Variants in OSBPL5 observed in about 807,000 individuals in gnomAD.
OSBPL5 encodes the protein oxysterol-binding protein-related protein 5.
OSBPL5 carries 71 observed loss-of-function variants against 111.2 expected under a neutral mutation model. That is an observed-to-expected ratio of 0.64 (90% CI 0.53 to 0.78). The LOEUF is 0.78. OSBPL5 is among the 30% of genes least tolerant of loss of function. The pLI is 0.00. For synonymous variants in OSBPL5, 549 were observed against 513.9 expected (o/e 1.07, Z -0.93); for missense variants, 1,210 against 1,189.3 (o/e 1.02, Z -0.26).
chr11:3,145,670 C>T lies in OSBPL5; in HGVS notation c.-21-16501G>A, dbSNP rs1036286845. ...GCTTCCTGGAGGACATTCACAGACTCGCACCCTCAGACCCCAGACCAGCAG... is the reference window on the plus strand; with the variant it reads ...GCTTCCTGGAGGACATTCACAGACTTGCACCCTCAGACCCCAGACCAGCAG... On this transcript the variant is annotated intron_variant, in intron 1 of 21. Coordinates refer to ENST00000263650, the MANE Select transcript of OSBPL5 (RefSeq NM_020896.4). Among the ~76,000 whole-genome samples, 10 of 152,310 alleles carry T rather than the reference C, an allele frequency of 6.6e-5. 1 individual carries two copies. The highest frequency in any genetic ancestry group is 2.1e-4 in the South Asian group (1 of 4,830).
chr11:3,107,687 G>A lies in OSBPL5; in HGVS notation c.866+84C>T, dbSNP rs575971794. 4.9e-5 allele frequency: 76 copies of A among 1,539,910 alleles called. No homozygotes were observed. The South Asian group carries it at 7.6e-4, about 15-fold the overall frequency. On this transcript the variant is annotated intron_variant, in intron 8 of 21. Coordinates refer to ENST00000263650, the MANE Select transcript of OSBPL5 (RefSeq NM_020896.4). The surrounding 1 kb of genome is among the most constrained non-coding windows in gnomAD (Gnocchi z 6.1). ...CAGCCTGCAGCCCACCAGAGCAGTG[G>A]CTGGGGCTGTCCTCTCCCCTCTTCC...
At position 3,105,891 on chromosome 11, in the gene OSBPL5, C is replaced by G. The variant is rs1857674547; in HGVS notation, c.1059+1372G>C. Among the ~76,000 whole-genome samples, 1 of 152,188 alleles carries G rather than the reference C, an allele frequency of 6.6e-6. No individual in the cohort carries two copies. The highest frequency in any genetic ancestry group is 1.5e-5 in the Non-Finnish European group (1 of 68,036). On this transcript the variant is annotated intron_variant, in intron 9 of 21. Transcript: ENST00000263650. This position sits in a 1 kb window ranked among gnomAD's most constrained non-coding sequence, Gnocchi z 5.2. ...TACCCAATCCAACTTCCGAAATACC[C>G]TGAGTCTGCCCACTTCTCCCTTCTC... is the stretch of plus-strand genomic sequence containing the variant.
chr11:3,097,186 G>A (rs1218933817), intron 14 of OSBPL5, among the ~76,000 whole-genome samples: 1 of 150,006 alleles, frequency 6.7e-6, no homozygotes, highest in Non-Finnish European at 1.5e-5. Context: ...GGCATTTGTC[G>A]ATCTGAGATC....
chr11:3,098,483 A>C (rs1251874523), intron 14 of OSBPL5, among the ~76,000 whole-genome samples: 2 of 33,658 alleles, frequency 5.9e-5, no homozygotes, highest in Non-Finnish European at 1.3e-4. Context: ...AGCCATAAAA[A>C]GACATGAAGG....
At chr11:3,157,535 G>A (rs1188234344) in intron 1 of OSBPL5, among the ~76,000 whole-genome samples, 1 of 152,252 alleles carries the variant, frequency 6.6e-6, no homozygotes, top group Non-Finnish European at 1.5e-5. Context: ...AGAGGGGCAG[G>A]AGAGCCCCAG....
At position 3,154,449 on chromosome 11, in the gene OSBPL5, G is replaced by A. The variant is rs1267178187; in HGVS notation, c.-22+10767C>T. Among the ~76,000 whole-genome samples the A allele has an allele frequency of 2.0e-5, 3 of 152,234 alleles. No individual in the cohort carries two copies. Among genetic ancestry groups the A allele is most frequent in the African/African-American group, 4.8e-5 (2 of 41,470 alleles). ...CCTGCTGACGCTTCGTTCACCAAGC[G>A]GGGGGCCTCTACAGCTCGCCCAGGT... On this transcript the variant is annotated intron_variant, in intron 1 of 21. Coordinates refer to ENST00000263650, the MANE Select transcript of OSBPL5 (RefSeq NM_020896.4). This position sits in a 1 kb window ranked among gnomAD's most constrained non-coding sequence, Gnocchi z 4.9.
Position 3,152,246 on chromosome 11 carries a change from G to A in OSBPL5, c.-22+12970C>T, listed in dbSNP as rs1043940969. 1.2e-4 allele frequency among the ~76,000 whole-genome samples: 19 copies of A among 152,318 alleles called. No homozygotes were observed. In the Middle Eastern group the frequency reaches 0.01, roughly 82 times the overall value. On this transcript the variant is annotated intron_variant, in intron 1 of 21. Coordinates refer to ENST00000263650, the MANE Select transcript of OSBPL5 (RefSeq NM_020896.4). ...AGTCAGTGGTTCGTGTTCATGGTGC[G>A]TGTTTTCATAGTTACCTGCAGTTTA...
In OSBPL5 at chr11:3,121,689, C is replaced by T. The variant is rs920256478; in HGVS notation, c.402+308G>A. On this transcript the variant is annotated intron_variant, in intron 5 of 21. Coordinates refer to ENST00000263650, the MANE Select transcript of OSBPL5 (RefSeq NM_020896.4). This position sits in a 1 kb window ranked among gnomAD's most constrained non-coding sequence, Gnocchi z 4.3. Reference sequence around the variant, plus strand: ...GCCAGAGCAATGTCTCCCTCCCCAGCGCCCTCCGCCCACTGGCCAGGCCCC... The same window carrying T: ...GCCAGAGCAATGTCTCCCTCCCCAGTGCCCTCCGCCCACTGGCCAGGCCCC... 1.5e-5 allele frequency: 6 copies of T among 393,296 alleles called. No individual in the cohort carries two copies. Among genetic ancestry groups the T allele is most frequent in the Non-Finnish European group, 2.8e-5 (6 of 213,456 alleles). 24.4% of individuals were successfully genotyped at this position (393,296 alleles called of 1,614,324 possible).
chr11:3,125,326 C>T (rs4758531), intron 3 of OSBPL5, among the ~76,000 whole-genome samples: 101,451 of 152,104 alleles, frequency 0.67, 34,411 homozygotes, highest in African/African-American at 0.74. Flanking sequence ...GCATAAAGAA[C>T]TCTTGCAGCT....
At chr11:3,103,350 A>G in intron 10 of OSBPL5, 30 bp from the exon 11 acceptor site, 1 of 1,573,738 alleles carries the variant, frequency 6.4e-7, no homozygotes, top group South Asian at 1.2e-5. Flanking sequence ...CGCTGACCCC[A>G]GCTCCGGGGG....
At chr11:3,100,049 A>T in intron 14 of OSBPL5, 109 bp downstream of exon 14, 1 of 859,836 alleles carries the variant, frequency 1.2e-6, no homozygotes, top group Non-Finnish European at 1.8e-6. Context: ...TCATGGGCAG[A>T]TGAAGGCGAA....
At chr11:3,123,283 C>A (rs1564844603) in intron 3 of OSBPL5, among the ~76,000 whole-genome samples, 1 of 152,198 alleles carries the variant, frequency 6.6e-6, no homozygotes, top group Non-Finnish European at 1.5e-5. Context: ...CAAGCTACGA[C>A]CCGAATCCTG....
Position 3,093,817 on chromosome 11 carries a change from TGCTACCCC to T in OSBPL5, c.1730_1737del (p.Gly577AspfsTer104). 6.2e-7 allele frequency: 1 copy of T among 1,612,520 alleles called. No homozygotes were observed. Among genetic ancestry groups the T allele is most frequent in the Non-Finnish European group, 8.5e-7 (1 of 1,179,926 alleles). Reference sequence around the variant, plus strand: ...TTTCCCGAGATCTGGTTGATGCTGGTGCTACCCCCGAAGAAGGGCTGCGGGGCCACACC... The same window carrying T: ...TTTCCCGAGATCTGGTTGATGCTGGTCGAAGAAGGGCTGCGGGGCCACACC... On this transcript the variant is annotated frameshift_variant, in exon 16 of 22. Transcript: ENST00000263650. LOFTEE classifies it high-confidence loss of function.
At chr11:3,148,145 C>T (rs980980598) in intron 1 of OSBPL5, among the ~76,000 whole-genome samples, 57 of 152,340 alleles carry the variant, frequency 3.7e-4, no homozygotes, top group Admixed American at 1.5e-3. Context: ...AGTCTGACCA[C>T]GATGTGTATA....
In OSBPL5 at chr11:3,141,334, C is replaced by T. The variant is rs1846107138; in HGVS notation, c.-21-12165G>A. Among the ~76,000 whole-genome samples, 2 of 152,160 alleles carry T rather than the reference C, an allele frequency of 1.3e-5. No individual in the cohort carries two copies. The highest frequency in any genetic ancestry group is 4.1e-4 in the South Asian group (2 of 4,834). On this transcript the variant is annotated intron_variant, in intron 1 of 21. Transcript: ENST00000263650. The surrounding 1 kb of genome is among the most constrained non-coding windows in gnomAD (Gnocchi z 6.5). ...CACACCCTCGGGTCCAGCATCCTCC[C>T]TGTGACTCTGCATAGTGGGAAGGAC...
Position 3,110,636 on chromosome 11 carries a change from C to A in OSBPL5, c.692-2691G>T, listed in dbSNP as rs756646869. Among the ~76,000 whole-genome samples the A allele has an allele frequency of 6.6e-5, 10 of 152,150 alleles. No homozygotes were observed. Among genetic ancestry groups the A allele is most frequent in the Non-Finnish European group, 1.5e-4 (10 of 68,036 alleles). On this transcript the variant is annotated intron_variant, in intron 7 of 21. Transcript: ENST00000263650. This position sits in a 1 kb window ranked among gnomAD's most constrained non-coding sequence, Gnocchi z 5.3. ...AACCCAAGCTGGGAACTGCTTAGGG[C>A]CAACCTGCCTCCCATTCTATTCCAA...
rs1007346142 is a variant in OSBPL5, at chr11:3,141,788, C to G, written c.-21-12619G>C. ...GGGTGACAGTAGGAACACCCACCCCCCACCCGCCTCCCACCCAGTGCAGGG... is the reference window on the plus strand; with the variant it reads ...GGGTGACAGTAGGAACACCCACCCCGCACCCGCCTCCCACCCAGTGCAGGG... On this transcript the variant is annotated intron_variant, in intron 1 of 21. Coordinates refer to ENST00000263650, the MANE Select transcript of OSBPL5 (RefSeq NM_020896.4). The surrounding 1 kb of genome is among the most constrained non-coding windows in gnomAD (Gnocchi z 6.5). Among the ~76,000 whole-genome samples, 158 of 141,266 alleles carry G rather than the reference C, an allele frequency of 1.1e-3. No individual in the cohort carries two copies. The highest frequency in any genetic ancestry group is 3.8e-3 in the African/African-American group (150 of 39,594). The allele number at this position is 141,266 out of a possible 152,430, so 92.7% of individuals were successfully genotyped here.
chr11:3,123,114 G>A (rs1472761538), intron 3 of OSBPL5, among the ~76,000 whole-genome samples: 1 of 152,198 alleles, frequency 6.6e-6, no homozygotes, highest in Non-Finnish European at 1.5e-5. Flanking sequence ...GTCCGAACCT[G>A]ACCCCAGCAT....
intron 21 of OSBPL5, 54 bp from the exon 22 acceptor site, chr11:3,088,397 C>T (rs1856947604): frequency 3.4e-6 from 5 of 1,458,062 alleles, no homozygotes; most frequent in Non-Finnish European, 4.5e-6. Flanking sequence ...GCAAGTCCCC[C>T]TCCCACAAGC....
Sources: allele counts gnomAD v4.1 joint callset (sites outside exome capture counted in the v4.1 genomes callset), GRCh38; gene constraint gnomAD v4.1.1; non-coding constraint Gnocchi (gnomAD v3.1); transcripts MANE v1.5; gene names NCBI Gene and HGNC (gene_info 2026-07-23, HGNC 2026-07-21).